ISLR2: variants seen among roughly 807,000 people sequenced by gnomAD.
ISLR2 encodes the protein immunoglobulin superfamily containing leucine rich repeat 2.
ISLR2 carries 16 observed loss-of-function variants against 25.5 expected under a neutral mutation model. The ratio of observed to expected loss-of-function variants is 0.63; its 90% CI spans 0.43 to 0.95. The LOEUF (loss-of-function observed/expected upper bound fraction) is 0.95. ISLR2 is among the 40% of genes least tolerant of loss of function. The pLI is 0.00. For synonymous variants in ISLR2, 508 were observed against 486.6 expected (o/e 1.04, Z -0.58); for missense variants, 883 against 1,030.7 (o/e 0.86, Z 1.96).
chr15:74,131,353 G>C (rs1324018448), intron 2 of ISLR2, 37 bp downstream of exon 2: 1 of 152,756 alleles, frequency 6.5e-6, no homozygotes, highest in Non-Finnish European at 1.5e-5. Flanking sequence ...CTTGACCCAG[G>C]TGGGGTTAGG....
chr15:74,116,810 A>T (rs2072214725), intron 2 of ISLR2, among the ~76,000 whole-genome samples: 1 of 152,186 alleles, frequency 6.6e-6, no homozygotes, highest in Non-Finnish European at 1.5e-5. Context: ...AATCTCTGTG[A>T]TTCCACCTGG....
upstream of ISLR2, chr15:74,127,795 C>G (rs1462574632): frequency 6.6e-6 from 1 of 152,492 alleles, no homozygotes; most frequent in African/African-American, 2.4e-5. Flanking sequence ...TTCAACCCTC[C>G]CCACCCTCCC....
rs1200969958 is a variant in ISLR2 at position 74,132,763 on chromosome 15, C to G, written c.9C>G (p.Pro3=). The G allele has an allele frequency of 6.2e-7, 1 of 1,609,066 alleles. No homozygotes were observed. Among genetic ancestry groups the G allele is most frequent in the South Asian group, 1.1e-5 (1 of 91,024 alleles). ...CATCTGCAGGAGCCGCGATGTTCCC[C>G]CTTCGGGCCCTGTGGTTGGTCTGGG... MF[P]LRALWLVWAL... Residue 3 remains proline, a synonymous_variant, in exon 3 of 3, where the codon CCC becomes CCG. Transcript: ENST00000453268. The surrounding 1 kb of genome is among the most constrained non-coding windows in gnomAD (Gnocchi z 4.3).
At chr15:74,129,691 G>A (rs1336142804), upstream of ISLR2, 1 of 152,518 alleles carries the variant, frequency 6.6e-6, no homozygotes, top group East Asian at 1.9e-4. The surrounding 1 kb of genome is among the most constrained non-coding windows in gnomAD (Gnocchi z 4.5). Flanking sequence ...CGACAGTCGG[G>A]AACAGCGAGT....
chr15:74,121,927 C>T (rs2072255148), intron 2 of ISLR2, among the ~76,000 whole-genome samples: 1 of 152,206 alleles, frequency 6.6e-6, no homozygotes, highest in African/African-American at 2.4e-5. Context: ...TCAGTCTCTC[C>T]CACACATGGA....
Position 74,134,636 on chromosome 15 carries a change from A to C in ISLR2, c.1882A>C (p.Ile628Leu), listed in dbSNP as rs2072525973. Residue 628 changes from isoleucine (I) to leucine (L), a missense_variant, in exon 3 of 3, where the codon ATC becomes CTC. This residue lies in a region of ISLR2 where 612 missense variants were observed against 642.8 expected (regional missense o/e 0.95). Transcript: ENST00000453268. ...AKHPGKPYRL[I>L]LRPQAPDPME... is the part of the protein sequence containing the mutation. Reference sequence around the variant, plus strand: ...ACACCCGGGCAAGCCCTACCGTCTGATCCTGCGGCCTCAGGCCCCTGACCC... The same window carrying C: ...ACACCCGGGCAAGCCCTACCGTCTGCTCCTGCGGCCTCAGGCCCCTGACCC... The C allele has an allele frequency of 1.2e-6, 2 of 1,614,044 alleles. No homozygotes were observed. The highest frequency in any genetic ancestry group is 1.7e-6 in the Non-Finnish European group (2 of 1,180,006).
chr15:74,139,493 T>A (rs547678594), downstream of ISLR2, among the ~76,000 whole-genome samples: 1 of 152,368 alleles, frequency 6.6e-6, no homozygotes, highest in South Asian at 2.1e-4. Context: ...GAGGTTGAAT[T>A]CATTTTCACA....
intron 2 of ISLR2, among the ~76,000 whole-genome samples, chr15:74,121,056 T>C (rs764841264): frequency 2.8e-4 from 42 of 149,562 alleles, no homozygotes; most frequent in Non-Finnish European, 2.1e-4. Flanking sequence ...TTCCAGCCCA[T>C]TTAGTATCTA....
Position 74,134,887 on chromosome 15 carries a change from G to A in ISLR2, c.2133G>A (p.Glu711=). 1 of 1,614,104 alleles carries A rather than the reference G, an allele frequency of 6.2e-7. No homozygotes were observed. The highest frequency in any genetic ancestry group is 8.5e-7 in the Non-Finnish European group (1 of 1,180,020). The part of the protein sequence containing the change: ...LVESQSKANQ[E]EFEAGSEYSD... ...AGTCCCAGTCCAAGGCCAACCAAGA[G>A]GAGTTCGAGGCGGGCTCTGAGTACA... Residue 711 remains glutamate, a synonymous_variant, in exon 3 of 3, where the codon GAG becomes GAA. Coordinates refer to ENST00000453268, the MANE Select transcript of ISLR2 (RefSeq NM_020851.3).
chr15:74,121,084 C>G (rs1027906679), intron 2 of ISLR2, among the ~76,000 whole-genome samples: 5 of 152,052 alleles, frequency 3.3e-5, no homozygotes, highest in African/African-American at 1.2e-4. Context: ...CTATCCCAAG[C>G]TTCTTCTCCT....
intron 2 of ISLR2, among the ~76,000 whole-genome samples, chr15:74,107,910 G>A (rs537157104): frequency 6.6e-6 from 1 of 152,282 alleles, no homozygotes; most frequent in South Asian, 2.1e-4. Flanking sequence ...GAGACCCACA[G>A]GTGAATGCCC....
chr15:74,123,810 G>A (rs2072271289), upstream of ISLR2, among the ~76,000 whole-genome samples: 1 of 152,148 alleles, frequency 6.6e-6, no homozygotes, highest in Non-Finnish European at 1.5e-5. Context: ...TTGGATCCCA[G>A]CACAGGCATT....
At chr15:74,117,350 C>A (rs1433354994) in intron 2 of ISLR2, among the ~76,000 whole-genome samples, 1 of 152,102 alleles carries the variant, frequency 6.6e-6, no homozygotes, top group Non-Finnish European at 1.5e-5. Context: ...TTTGTTGCAA[C>A]CTTCTGTGGC....
intron 2 of ISLR2, among the ~76,000 whole-genome samples, chr15:74,109,400 C>T (rs965406899): frequency 6.6e-6 from 1 of 152,060 alleles, no homozygotes; most frequent in African/African-American, 2.4e-5. Context: ...AGTAGGACTA[C>T]ATCAGCGCTT....
At chr15:74,139,246 G>A (rs1416085652), downstream of ISLR2, among the ~76,000 whole-genome samples, 1 of 152,186 alleles carries the variant, frequency 6.6e-6, no homozygotes, top group Non-Finnish European at 1.5e-5. Context: ...AGGGTGCTGG[G>A]ACACTCTGCC....
chr15:74,135,057 G>T lies in ISLR2; in HGVS notation c.*65G>T. ...TAGGGTGCCTGGGAGCAGCAGTCTA[G>T]GGCTGGCAGGACTTATGTCCCCCGT... On this transcript the variant is annotated 3_prime_UTR_variant, in exon 3 of 3. Coordinates refer to ENST00000453268, the MANE Select transcript of ISLR2 (RefSeq NM_020851.3). 1 of 1,556,484 alleles carries T rather than the reference G, an allele frequency of 6.4e-7. No individual in the cohort carries two copies.
chr15:74,133,896 C>A lies in ISLR2; in HGVS notation c.1142C>A (p.Ala381Glu). The part of the protein sequence containing the change: ...AVAATGPPKH[A>E]PGAGGEPDGQ... ...GCAGCAACCGGGCCCCCAAAACACG[C>A]GCCTGGCGCCGGGGGAGAACCCGAC... Residue 381 changes from alanine to glutamate, a missense_variant, in exon 3 of 3, where the codon GCG becomes GAG. This residue lies in a region of ISLR2 where 612 missense variants were observed against 642.8 expected (regional missense o/e 0.95). Transcript: ENST00000453268. 6.2e-7 allele frequency: 1 copy of A among 1,606,080 alleles called. No individual in the cohort carries two copies. Among genetic ancestry groups the A allele is most frequent in the Non-Finnish European group, 8.5e-7 (1 of 1,176,568 alleles).
intron 1 of ISLR2, 147 bp from the exon 2 acceptor site, chr15:74,131,060 G>A (rs971944607): frequency 1.3e-5 from 2 of 152,584 alleles, no homozygotes. Flanking sequence ...CCAGGCCCGG[G>A]AGTGCGCAAG....
At chr15:74,108,022 T>C (rs1250635882) in intron 2 of ISLR2, among the ~76,000 whole-genome samples, 4 of 152,280 alleles carry the variant, frequency 2.6e-5, no homozygotes, top group Admixed American at 2.0e-4. Context: ...TCCTGCCCTC[T>C]TAGGAGAAAG....
Sources: allele counts gnomAD v4.1 joint callset (sites outside exome capture counted in the v4.1 genomes callset), GRCh38; gene constraint gnomAD v4.1.1; regional missense constraint gnomAD v4.1.1; non-coding constraint Gnocchi (gnomAD v3.1); transcripts MANE v1.5; gene names NCBI Gene and HGNC (gene_info 2026-07-23, HGNC 2026-07-21).